Variants in INTS4 observed in about 807,000 individuals in gnomAD.
INTS4 encodes the protein integrator complex subunit 4, also known as MSTP093.
A neutral mutation model predicts 119.5 loss-of-function variants in INTS4; 70 were observed. The ratio of observed to expected loss-of-function variants is 0.59; its 90% CI spans 0.48 to 0.71. The LOEUF (loss-of-function observed/expected upper bound fraction) is 0.71, where lower values mean the gene tolerates loss of function less well. Among genes scored for constraint, INTS4 ranks in the 30% least tolerant of loss-of-function variants. The pLI is 0.00. For synonymous variants in INTS4, 316 were observed against 419.6 expected (o/e 0.75, Z 3.02); for missense variants, 867 against 1,173.2 (o/e 0.74, Z 3.81).
intron 4 of INTS4, among the ~76,000 whole-genome samples, chr11:77,962,295 T>C (rs921722771): frequency 6.6e-6 from 1 of 152,174 alleles, no homozygotes; most frequent in African/African-American, 2.4e-5. Flanking sequence ...AAAAAGAAGA[T>C]ATTGCCAAAT....
chr11:77,909,759 CAAAT>C (rs1342036047), intron 15 of INTS4, among the ~76,000 whole-genome samples: 1 of 152,164 alleles, frequency 6.6e-6, no homozygotes, highest in Admixed American at 6.5e-5. Context: ...GTGTCATACA[CAAAT>C]AAAATAGTTG....
intron 21 of INTS4, chr11:77,884,664 G>A (rs1951923098): frequency 4.5e-6 from 1 of 223,302 alleles, no homozygotes; most frequent in South Asian, 5.7e-5. Context: ...GGTCAATGTT[G>A]AAACTGCGGA....
chr11:77,980,394 T>C (rs1260705680), intron 3 of INTS4, among the ~76,000 whole-genome samples: 1 of 152,162 alleles, frequency 6.6e-6, no homozygotes, highest in Non-Finnish European at 1.5e-5. Flanking sequence ...TTAATTTATT[T>C]TTTGAGACAG....
intron 3 of INTS4, among the ~76,000 whole-genome samples, chr11:77,981,190 C>CAAAAAAAAAAAAAAAAAAAAGA (rs35194381): frequency 2.0e-4 from 18 of 88,850 alleles, no homozygotes; most frequent in Non-Finnish European, 3.2e-4. Flanking sequence ...AACAAACAAG[C>CAAAAAAAAAAAAAAAAAAAAGA]AAAAAAAAAA....
intron 16 of INTS4, among the ~76,000 whole-genome samples, chr11:77,904,982 G>C (rs1254664431): frequency 6.6e-6 from 1 of 152,200 alleles, no homozygotes; most frequent in Non-Finnish European, 1.5e-5. Context: ...AGCTTGACTA[G>C]ATTAAGGAAT....
chr11:77,988,891 T>C (rs1856555166), intron 2 of INTS4, among the ~76,000 whole-genome samples: 1 of 152,214 alleles, frequency 6.6e-6, no homozygotes, highest in Non-Finnish European at 1.5e-5. Context: ...TAGTAACTGT[T>C]GTAGATTTTT....
intron 13 of INTS4, among the ~76,000 whole-genome samples, chr11:77,922,138 G>A (rs936900939): frequency 1.3e-5 from 2 of 149,992 alleles, no homozygotes; most frequent in African/African-American, 4.9e-5. Context: ...TGAGGCAGGA[G>A]AATTGTTTGA....
intron 4 of INTS4, among the ~76,000 whole-genome samples, chr11:77,965,839 C>A (rs1002055967): frequency 6.6e-6 from 1 of 152,162 alleles, no homozygotes; most frequent in African/African-American, 2.4e-5. Flanking sequence ...TAGACATATA[C>A]CCGGAAGTGG....
Position 77,949,055 on chromosome 11 carries a change from GC to G in INTS4, c.918+6886del, listed in dbSNP as rs200042252. Among the ~76,000 whole-genome samples the G allele has an allele frequency of 3.9e-4, 59 of 152,214 alleles. 1 individual carries two copies. The East Asian group carries it at 0.01, about 26-fold the overall frequency. On this transcript the variant is annotated intron_variant, in intron 8 of 22. Coordinates refer to ENST00000534064, the MANE Select transcript of INTS4 (RefSeq NM_033547.4). The stretch of plus-strand genomic sequence containing the variant: ...CCCCAGGAGTTTGAGGTTGCTGTGA[GC>G]TATGACTGTGCAATCGCGGAACCGC...
chr11:77,882,603 C>A (rs868790485), intron 22 of INTS4, among the ~76,000 whole-genome samples: 2 of 152,288 alleles, frequency 1.3e-5, no homozygotes, highest in African/African-American at 4.8e-5. Flanking sequence ...ACATTCCAGG[C>A]AGCCAGATTA....
intron 10 of INTS4, among the ~76,000 whole-genome samples, chr11:77,933,930 T>C (rs1045621962): frequency 1.3e-5 from 2 of 151,822 alleles, no homozygotes; most frequent in African/African-American, 4.8e-5. Context: ...ATGATGACAA[T>C]GGCGGTTTTG....
At chr11:77,951,532 A>G (rs1171340192) in intron 8 of INTS4, among the ~76,000 whole-genome samples, 1 of 152,220 alleles carries the variant, frequency 6.6e-6, no homozygotes, top group Non-Finnish European at 1.5e-5. Context: ...TTAAAGACTT[A>G]AATGTTAGAC....
At chr11:77,912,027 T>G (rs890163948) in intron 15 of INTS4, among the ~76,000 whole-genome samples, 1 of 152,128 alleles carries the variant, frequency 6.6e-6, no homozygotes, top group Non-Finnish European at 1.5e-5. Flanking sequence ...TTTCATTTAT[T>G]TATTAATTAC....
intron 15 of INTS4, chr11:77,918,164 G>T (rs1279440054): frequency 1.4e-6 from 1 of 698,112 alleles, no homozygotes; most frequent in Non-Finnish European, 2.6e-6. Context: ...GGGCACAGTG[G>T]CTCACGCCTG....
chr11:77,919,611 A>T (rs1018598302), intron 14 of INTS4, among the ~76,000 whole-genome samples: 1 of 152,202 alleles, frequency 6.6e-6, no homozygotes, highest in South Asian at 2.1e-4. Context: ...ACACTATCTT[A>T]TCTTTCACTT....
In INTS4 at chr11:77,981,450, G is replaced by C. The variant is rs756855873; in HGVS notation, c.364+9C>G. 2.3e-5 allele frequency: 32 copies of C among 1,373,276 alleles called. No individual in the cohort carries two copies. Among genetic ancestry groups the C allele is most frequent in the Non-Finnish European group, 3.1e-5 (31 of 1,000,448 alleles). The allele number at this position is 1,373,276 out of a possible 1,614,324, so 85.1% of individuals were successfully genotyped here. A position where few individuals can be genotyped will look rare whatever the true frequency, so the allele number is the denominator to read the frequency against. On this transcript the variant is annotated intron_variant, in intron 3 of 22. Transcript: ENST00000534064. ...GCTCTGACTATAGAGCTTTTAAATT[G>C]CAACTTACTTTCATTCTGCAGGATG...
chr11:77,922,802 C>T (rs1350129903), intron 12 of INTS4: 10 of 357,576 alleles, frequency 2.8e-5, no homozygotes, highest in Non-Finnish European at 5.4e-5. Flanking sequence ...AAGAGCTGAA[C>T]CACTATTGGT....
At chr11:77,985,411 C>T (rs945753121) in intron 2 of INTS4, among the ~76,000 whole-genome samples, 4 of 152,184 alleles carry the variant, frequency 2.6e-5, no homozygotes, top group Non-Finnish European at 5.9e-5. Flanking sequence ...CCCATGTTCA[C>T]GGTTGCTCAC....
intron 4 of INTS4, chr11:77,963,553 T>C: frequency 5.8e-6 from 2 of 346,824 alleles, no homozygotes; most frequent in South Asian, 4.3e-5. Flanking sequence ...GACCAATTTG[T>C]GTCAAAAATA....
Sources: allele counts gnomAD v4.1 joint callset (sites outside exome capture counted in the v4.1 genomes callset), GRCh38; gene constraint gnomAD v4.1.1; transcripts MANE v1.5; gene names NCBI Gene and HGNC (gene_info 2026-07-23, HGNC 2026-07-21).